Variants in ESYT2 observed in about 807,000 individuals in gnomAD.
The protein encoded by ESYT2 is extended synaptotagmin 2, also known as extended synaptotagmin-2.
Under a neutral mutation model 107.2 loss-of-function variants are expected in ESYT2, and 54 were observed. That is an observed-to-expected ratio of 0.50 (90% CI 0.40 to 0.63). ESYT2 has a LOEUF of 0.63. Ranked by LOEUF, ESYT2 falls within the 30% of genes least tolerant of loss-of-function variation. The probability of loss-of-function intolerance (pLI) is 0.00; values close to 1 mark genes in which losing one functional copy is unlikely to be tolerated. For synonymous variants in ESYT2, 491 were observed against 434.1 expected, an observed-to-expected ratio of 1.13 and a Z score of -1.63; for missense variants, 1,020 against 1,094.5, an observed-to-expected ratio of 0.93 and a Z score of 0.96.
At chr7:158,798,968 G>T (rs535480516) in intron 2 of ESYT2, 63 bp downstream of exon 2, 294 of 1,509,136 alleles carry the variant, frequency 1.9e-4, no homozygotes, top group East Asian at 1.5e-3. Flanking sequence ...CCCAAATATG[G>T]AAAGATGGTA....
chr7:158,769,459 T>C (rs1838278424), intron 7 of ESYT2, among the ~76,000 whole-genome samples: 1 of 152,200 alleles, frequency 6.6e-6, no homozygotes, highest in Non-Finnish European at 1.5e-5. Context: ...CACTACACCC[T>C]GCATGTCCCC....
intron 17 of ESYT2, 77 bp downstream of exon 17, chr7:158,743,442 CCGGCCTCATG>C: frequency 6.6e-7 from 1 of 1,519,316 alleles, no homozygotes; most frequent in Non-Finnish European, 8.8e-7. Flanking sequence ...GCTTTCTTCA[CCGGCCTCATG>C]CCCGGGGCCC....
chr7:158,802,104 C>A (rs1839663395), intron 1 of ESYT2, among the ~76,000 whole-genome samples: 2 of 152,172 alleles, frequency 1.3e-5, no homozygotes, highest in South Asian at 4.1e-4. Flanking sequence ...TCAAAATTTT[C>A]TTGCCAATTA....
chr7:158,772,768 A>C (rs543275532), intron 7 of ESYT2, among the ~76,000 whole-genome samples: 1 of 152,118 alleles, frequency 6.6e-6, no homozygotes, highest in Non-Finnish European at 1.5e-5. Context: ...CTACGGAATA[A>C]TGAAGGGACT....
chr7:158,804,514 A>C, intron 1 of ESYT2, among the ~76,000 whole-genome samples: 1 of 149,780 alleles, frequency 6.7e-6, no homozygotes, highest in Admixed American at 6.6e-5. Context: ...AACTGCTGAG[A>C]AAAGTGAGGC....
chr7:158,822,378 G>A (rs1383563234), intron 1 of ESYT2, among the ~76,000 whole-genome samples: 2 of 152,114 alleles, frequency 1.3e-5, no homozygotes, highest in African/African-American at 4.8e-5. Flanking sequence ...ACAGATTTCG[G>A]TTTTTTATAT....
chr7:158,781,151 AAC>A (rs960327778), intron 6 of ESYT2, among the ~76,000 whole-genome samples: 3 of 152,178 alleles, frequency 2.0e-5, no homozygotes, highest in Non-Finnish European at 2.9e-5. Context: ...CGAATGTGAG[AAC>A]AGTGTGAGGT....
rs567896270 is a variant in ESYT2, at chr7:158,755,073, C to T, written c.1420-2230G>A. On this transcript the variant is annotated intron_variant, in intron 13 of 22. Transcript: ENST00000275418. ...AGGAGGGCAAAGTTCTAAGAATCCA[C>T]ATTATGAAGAGGTCGTTTCCAGCCT... Among the ~76,000 whole-genome samples, 4 of 152,328 alleles carry T rather than the reference C, an allele frequency of 2.6e-5. No individual in the cohort carries two copies. In the East Asian group the frequency reaches 7.7e-4, roughly 29 times the overall value.
At chr7:158,820,003 G>T (rs1391125496) in intron 1 of ESYT2, among the ~76,000 whole-genome samples, 1 of 152,196 alleles carries the variant, frequency 6.6e-6, no homozygotes, top group Non-Finnish European at 1.5e-5. Context: ...AAAGGACACT[G>T]CTGCTGCAAT....
intron 6 of ESYT2, among the ~76,000 whole-genome samples, chr7:158,773,768 A>AT (rs1278120663): frequency 6.6e-6 from 1 of 152,170 alleles, no homozygotes. Flanking sequence ...AAAAAGTGAG[A>AT]TTTTGGGGTC....
Position 158,767,678 on chromosome 7 carries a change from A to T in ESYT2, c.900T>A (p.Ala300=). ...TVPLVSEVQI[A]QLRFPVPKGV... ...CCTTTGGTACAGGAAACCGCAACTG[A>T]GCTATTTGAACTTCACTGACAAGTG... Residue 300 remains alanine (A), a synonymous_variant, in exon 8 of 23, where the codon GCT becomes GCA. Transcript: ENST00000275418. The T allele has an allele frequency of 6.2e-7, 1 of 1,612,506 alleles. No individual in the cohort carries two copies. The highest frequency in any genetic ancestry group is 8.5e-7 in the Non-Finnish European group (1 of 1,179,236).
chr7:158,793,703 C>G lies in ESYT2; in HGVS notation c.531G>C (p.Lys177Asn). 6.2e-7 allele frequency: 1 copy of G among 1,613,342 alleles called. No homozygotes were observed. Among genetic ancestry groups the G allele is most frequent in the Non-Finnish European group, 8.5e-7 (1 of 1,179,792 alleles). Residue 177 changes from lysine (K) to asparagine (N), a missense_variant, in exon 4 of 23, where the codon AAG (lysine) becomes AAC (asparagine). Physicochemically the swap from Lys to Asn is moderately conservative, Grantham distance 94. Transcript: ENST00000275418. ...TTTTGTCTACATTTTCAGTGTATAC[C>G]TTAACACCATTGATCCTGAGGGGCT... ...GQQPLRINGV[K>N]VYTENVDKRQ...
chr7:158,814,002 C>T (rs1298982682), intron 1 of ESYT2, among the ~76,000 whole-genome samples: 11 of 151,968 alleles, frequency 7.2e-5, no homozygotes, highest in East Asian at 3.9e-4. Flanking sequence ...AGGCCAGACG[C>T]GGTGGCTAAC....
At chr7:158,738,348 C>G (rs955456823) in intron 19 of ESYT2, among the ~76,000 whole-genome samples, 32 of 28,956 alleles carry the variant, frequency 1.1e-3, no homozygotes, top group African/African-American at 1.5e-3. Context: ...CACACAGACA[C>G]ACACACACAC....
chr7:158,796,067 A>G (rs62480283), intron 3 of ESYT2, among the ~76,000 whole-genome samples: 19,395 of 152,210 alleles, frequency 0.13, 1,393 homozygotes, highest in African/African-American at 0.2. Context: ...ATACACAGTG[A>G]CCATGCCAGA....
At position 158,731,685 on chromosome 7, in the gene ESYT2, C is replaced by T. The variant is rs958958802; in HGVS notation, c.*2522G>A. 6.6e-6 allele frequency: 1 copy of T among 152,630 alleles called. No homozygotes were observed. The highest frequency in any genetic ancestry group is 2.4e-5 in the African/African-American group (1 of 41,448). The allele number at this position is 152,630 out of a possible 1,614,324, so 9.5% of individuals were successfully genotyped here. A position where few individuals can be genotyped will look rare whatever the true frequency, so the allele number is the denominator to read the frequency against. ...GGATCAGGATAAGAACCCACATGTA[C>T]GAGCTAACAGAGCTGCACTTCAAAT... On this transcript the variant is annotated 3_prime_UTR_variant, in exon 23 of 23. Coordinates refer to ENST00000275418, the MANE Select transcript of ESYT2 (RefSeq NM_001367773.1).
chr7:158,771,347 A>T (rs185604201), intron 7 of ESYT2, among the ~76,000 whole-genome samples: 1 of 152,238 alleles, frequency 6.6e-6, no homozygotes, highest in South Asian at 2.1e-4. Flanking sequence ...CCATTTGGCT[A>T]AACAGTATCT....
intron 10 of ESYT2, 125 bp downstream of exon 10, chr7:158,762,958 T>C (rs1838024979): frequency 1.2e-5 from 7 of 570,572 alleles, no homozygotes; most frequent in Non-Finnish European, 2.1e-5. Flanking sequence ...ACAATTGTTA[T>C]ATCTAAGAAC....
chr7:158,780,449 C>T (rs1212033661), intron 6 of ESYT2, among the ~76,000 whole-genome samples: 3 of 152,196 alleles, frequency 2.0e-5, no homozygotes, highest in African/African-American at 7.2e-5. Context: ...CATCTATAAT[C>T]AAAGCACAAC....
Sources: gnomAD v4.1 joint callset for allele counts (sites outside exome capture counted in the v4.1 genomes callset) on GRCh38, gnomAD v4.1.1 for gene constraint, MANE v1.5 for transcripts, NCBI Gene and HGNC (gene_info 2026-07-23, HGNC 2026-07-21) for gene names.